Variants in GALNT18 observed in about 807,000 individuals in gnomAD.
The protein encoded by GALNT18 is GalNAc-transferase 18.
In GALNT18, 44 loss-of-function variants were observed where a neutral mutation model predicts 69.5. The ratio of observed to expected loss-of-function variants is 0.63; its 90% CI spans 0.50 to 0.81. GALNT18 has a LOEUF of 0.81. Ranked by LOEUF, GALNT18 falls within the 40% of genes least tolerant of loss-of-function variation. The pLI is 0.00. For missense variants in GALNT18, 715 were observed against 810.0 expected, an observed-to-expected ratio of 0.88 and a Z score of 1.42; for synonymous variants, 364 against 318.2, an observed-to-expected ratio of 1.14 and a Z score of -1.53.
intron 10 of GALNT18, among the ~76,000 whole-genome samples, chr11:11,287,429 GTC>G: frequency 3.9e-5 from 6 of 152,140 alleles, no homozygotes; most frequent in African/African-American, 1.4e-4. Context: ...ACTACCGAGA[GTC>G]AGTCCTCTGC....
chr11:11,544,034 C>T (rs1285627419), intron 1 of GALNT18, among the ~76,000 whole-genome samples: 1 of 152,218 alleles, frequency 6.6e-6, no homozygotes, highest in Non-Finnish European at 1.5e-5. Context: ...AAGGCTTCCT[C>T]GTCAGCACTG....
intron 6 of GALNT18, among the ~76,000 whole-genome samples, chr11:11,343,301 T>A (rs1414358923): frequency 6.6e-6 from 1 of 151,970 alleles, no homozygotes; most frequent in African/African-American, 2.4e-5. Flanking sequence ...TGAGCCCTGA[T>A]GGTGTCACAC....
chr11:11,283,564 C>T (rs576634313), intron 10 of GALNT18, among the ~76,000 whole-genome samples: 2 of 152,280 alleles, frequency 1.3e-5, no homozygotes, highest in African/African-American at 2.4e-5. Flanking sequence ...ACATGTTAGC[C>T]GACTTCTGTC....
At chr11:11,493,193 G>A (rs1564977383) in intron 1 of GALNT18, among the ~76,000 whole-genome samples, 2 of 150,290 alleles carry the variant, frequency 1.3e-5, no homozygotes, top group Admixed American at 6.7e-5. Context: ...CCTGGGAGGC[G>A]GAGGTTGAAG....
chr11:11,490,187 TCTC>T (rs1448520728), intron 1 of GALNT18, among the ~76,000 whole-genome samples: 9 of 149,506 alleles, frequency 6.0e-5, no homozygotes, highest in Admixed American at 1.3e-4. Flanking sequence ...TTTGGCCTCT[TCTC>T]CTTCACTCAT....
chr11:11,274,150 G>A (rs374436311), intron 10 of GALNT18, among the ~76,000 whole-genome samples: 3 of 152,158 alleles, frequency 2.0e-5, no homozygotes, highest in Admixed American at 6.5e-5. Flanking sequence ...AGTGCACTCC[G>A]GCTCAGATAC....
At chr11:11,281,274 C>T (rs1009388498) in intron 10 of GALNT18, among the ~76,000 whole-genome samples, 3 of 152,206 alleles carry the variant, frequency 2.0e-5, no homozygotes, top group Non-Finnish European at 4.4e-5. Context: ...CTGGGCAAGC[C>T]TCTCCCCACT....
chr11:11,415,744 T>C lies in GALNT18; in HGVS notation c.595+16877A>G, dbSNP rs1854840249. ...ACCTATGCGTCTTCCCACCCATGCA[T>C]CCATGCATCCATCCACCCATCTCAT... On this transcript the variant is annotated intron_variant, in intron 3 of 10. Transcript: ENST00000227756. This position sits in a 1 kb window ranked among gnomAD's most constrained non-coding sequence, Gnocchi z 4.1. Among the ~76,000 whole-genome samples the C allele has an allele frequency of 6.6e-6, 1 of 152,170 alleles. No homozygotes were observed. Among genetic ancestry groups the C allele is most frequent in the Non-Finnish European group, 1.5e-5 (1 of 68,026 alleles).
At position 11,318,340 on chromosome 11, in the gene GALNT18, T is replaced by G. The variant is rs967770318; in HGVS notation, c.1512+8746A>C. On this transcript the variant is annotated intron_variant, in intron 9 of 10. Transcript: ENST00000227756. This position sits in a 1 kb window ranked among gnomAD's most constrained non-coding sequence, Gnocchi z 5.1. Reference sequence around the variant, plus strand: ...AAATTTGCATGAGGTCACACAGAAGTAGAATGGACCCTTAATCCAACATGA... The same window carrying G: ...AAATTTGCATGAGGTCACACAGAAGGAGAATGGACCCTTAATCCAACATGA... Among the ~76,000 whole-genome samples, 2 of 152,118 alleles carry G rather than the reference T, an allele frequency of 1.3e-5. No homozygotes were observed. Among genetic ancestry groups the G allele is most frequent in the East Asian group, 1.9e-4 (1 of 5,192 alleles).
rs535012649 is a variant in GALNT18 at position 11,461,108 on chromosome 11, C to T, written c.236-12172G>A. 1.3e-5 allele frequency among the ~76,000 whole-genome samples: 2 copies of T among 152,298 alleles called. No homozygotes were observed. Among genetic ancestry groups the T allele is most frequent in the East Asian group, 3.9e-4 (2 of 5,170 alleles). On this transcript the variant is annotated intron_variant, in intron 1 of 10. Coordinates refer to ENST00000227756, the MANE Select transcript of GALNT18 (RefSeq NM_198516.3). The surrounding 1 kb of genome is among the most constrained non-coding windows in gnomAD (Gnocchi z 4.1). Reference sequence around the variant, plus strand: ...ACATGGCAGACAAAGGACAGGAAGACATCTGACTCTGCAAGCTTAGTCCAG... The same window carrying T: ...ACATGGCAGACAAAGGACAGGAAGATATCTGACTCTGCAAGCTTAGTCCAG...
chr11:11,534,092 G>A (rs1857719195), intron 1 of GALNT18, among the ~76,000 whole-genome samples: 1 of 152,256 alleles, frequency 6.6e-6, no homozygotes, highest in Admixed American at 6.5e-5. Context: ...TAGAGGTCGA[G>A]TGGCTTGCCC....
intron 3 of GALNT18, among the ~76,000 whole-genome samples, chr11:11,397,930 C>T (rs1854372760): frequency 2.0e-5 from 3 of 152,230 alleles, no homozygotes; most frequent in African/African-American, 4.8e-5. Flanking sequence ...AGAGAAAGTG[C>T]AGCCCCTCAG....
intron 10 of GALNT18, among the ~76,000 whole-genome samples, chr11:11,287,779 C>CT (rs1286014637): frequency 3.9e-5 from 6 of 152,168 alleles, no homozygotes; most frequent in African/African-American, 2.4e-5. Context: ...ATGCGGGAGA[C>CT]ATCAGCTGTT....
chr11:11,530,207 T>TCAAA (rs71037028), intron 1 of GALNT18, among the ~76,000 whole-genome samples: 34,896 of 152,010 alleles, frequency 0.23, 4,475 homozygotes, highest in Non-Finnish European at 0.27. Context: ...CTAAAGCAAC[T>TCAAA]CAGAGTGGGG....
intron 1 of GALNT18, among the ~76,000 whole-genome samples, chr11:11,521,008 C>T (rs774908395): frequency 3.3e-5 from 5 of 152,198 alleles, no homozygotes; most frequent in South Asian, 2.1e-4. Context: ...GAAGGCTCCC[C>T]GTGCCCTTGT....
intron 1 of GALNT18, among the ~76,000 whole-genome samples, chr11:11,567,172 C>T (rs1025782775): frequency 1.3e-5 from 2 of 152,136 alleles, no homozygotes; most frequent in African/African-American, 4.8e-5. Flanking sequence ...TGATCAAAGG[C>T]CACCTGGAAG....
intron 7 of GALNT18, among the ~76,000 whole-genome samples, chr11:11,335,297 T>G (rs1850092767): frequency 6.6e-6 from 1 of 152,230 alleles, no homozygotes; most frequent in Admixed American, 6.5e-5. Flanking sequence ...TCAGCTTATC[T>G]TTCTGAATAT....
intron 1 of GALNT18, among the ~76,000 whole-genome samples, chr11:11,550,210 A>T (rs1236455964): frequency 1.3e-5 from 2 of 152,224 alleles, no homozygotes; most frequent in East Asian, 3.9e-4. Context: ...GTGGAAACAC[A>T]GGGTACAGTG....
rs903996940 is a variant in GALNT18, at chr11:11,562,355, A to T, written c.235+59004T>A. Among the ~76,000 whole-genome samples the T allele has an allele frequency of 6.6e-6, 1 of 152,096 alleles. No individual in the cohort carries two copies. The highest frequency in any genetic ancestry group is 2.4e-5 in the African/African-American group (1 of 41,390). Reference sequence around the variant, plus strand: ...TCCCCTTTAGATGTGCACACCCGTCATATTGGATTGGGGCCCACCCCAATG... The same window carrying T: ...TCCCCTTTAGATGTGCACACCCGTCTTATTGGATTGGGGCCCACCCCAATG... On this transcript the variant is annotated intron_variant, in intron 1 of 10. Coordinates refer to ENST00000227756, the MANE Select transcript of GALNT18 (RefSeq NM_198516.3). The surrounding 1 kb of genome is among the most constrained non-coding windows in gnomAD (Gnocchi z 4.1).
Sources: gnomAD v4.1 joint callset for allele counts (sites outside exome capture counted in the v4.1 genomes callset) on GRCh38, gnomAD v4.1.1 for gene constraint, Gnocchi (gnomAD v3.1) non-coding constraint, MANE v1.5 for transcripts, NCBI Gene and HGNC (gene_info 2026-07-23, HGNC 2026-07-21) for gene names.